The following PLEKHB1 variants were observed in gnomAD, a reference collection of about 807,000 sequenced individuals.
The protein encoded by PLEKHB1 is pleckstrin homology domain containing B1.
Under a neutral mutation model 36.2 loss-of-function variants are expected in PLEKHB1, and 29 were observed. The ratio of observed to expected loss-of-function variants is 0.80; its 90% CI spans 0.60 to 1.09. The LOEUF (loss-of-function observed/expected upper bound fraction) is 1.09, where lower values mean the gene tolerates loss of function less well. PLEKHB1 is among the 50% of genes least tolerant of loss of function. The probability of loss-of-function intolerance (pLI) is 0.00; values close to 1 mark genes in which losing one functional copy is unlikely to be tolerated. For synonymous variants in PLEKHB1, 138 were observed against 140.0 expected (o/e 0.99, Z 0.10); for missense variants, 330 against 348.2 (o/e 0.95, Z 0.42).
At chr11:73,655,663 A>G in intron 5 of PLEKHB1, 140 bp from the exon 6 acceptor site, 1 of 659,214 alleles carries the variant, frequency 1.5e-6, no homozygotes. Context: ...CTGAGGAGAA[A>G]GAGGATGCTC....
intron 6 of PLEKHB1, among the ~76,000 whole-genome samples, chr11:73,659,600 G>A (rs1456328848): frequency 6.6e-6 from 1 of 151,978 alleles, no homozygotes; most frequent in Non-Finnish European, 1.5e-5. Context: ...CCAGGAGAAA[G>A]GATAGCAACA....
In PLEKHB1 at chr11:73,661,445, AT is replaced by A; in HGVS notation, c.596-20del. On this transcript the variant is annotated intron_variant, in intron 7 of 7. Transcript: ENST00000354190. The surrounding 1 kb of genome is among the most constrained non-coding windows in gnomAD (Gnocchi z 4.6). Reference sequence around the variant, plus strand: ...ACTCCCTCCTAAGTCGCTGATCCTCATGGGCTGTCTCCCTCTGCAGGCCCTG... The same window carrying A: ...ACTCCCTCCTAAGTCGCTGATCCTCAGGGCTGTCTCCCTCTGCAGGCCCTG... 1 of 1,613,416 alleles carries A rather than the reference AT, an allele frequency of 6.2e-7. No individual in the cohort carries two copies. Among genetic ancestry groups the A allele is most frequent in the South Asian group, 1.1e-5 (1 of 91,054 alleles).
intron 4 of PLEKHB1, 65 bp downstream of exon 4, chr11:73,651,955 A>T: frequency 7.0e-7 from 1 of 1,426,418 alleles, no homozygotes; most frequent in Non-Finnish European, 9.7e-7. Context: ...CCCCCTTCTC[A>T]TTGGGCCTTC....
At chr11:73,649,468 C>T (rs1437641281) in intron 2 of PLEKHB1, among the ~76,000 whole-genome samples, 1 of 152,136 alleles carries the variant, frequency 6.6e-6, no homozygotes, top group African/African-American at 2.4e-5. Context: ...CAGACTGGCC[C>T]CAGTCTGCGA....
At chr11:73,649,443 C>A (rs925801873) in intron 2 of PLEKHB1, among the ~76,000 whole-genome samples, 2 of 152,094 alleles carry the variant, frequency 1.3e-5, no homozygotes, top group African/African-American at 2.4e-5. Context: ...TGTGGGTATC[C>A]CCACTCCCTG....
At chr11:73,656,080 T>G (rs1012697875) in intron 6 of PLEKHB1, among the ~76,000 whole-genome samples, 173 bp downstream of exon 6, 42 of 152,256 alleles carry the variant, frequency 2.8e-4, no homozygotes, top group African/African-American at 9.4e-4. Flanking sequence ...CCAGACCTTT[T>G]CCCTCTGCCA....
At position 73,650,650 on chromosome 11, in the gene PLEKHB1, C is replaced by G; in HGVS notation, c.192C>G (p.Asp64Glu). ...ATGAGACAGCGCAGGACGAGGAGGA[C>G]CGTGTGCTCATCCACTTCAATGTCC... ...YHDETAQDEE[D>E]RVLIHFNVRD... Residue 64 changes from aspartate to glutamate, a missense_variant, in exon 3 of 8, where the codon GAC (aspartate) becomes GAG (glutamate). Transcript: ENST00000354190. The G allele has an allele frequency of 6.2e-7, 1 of 1,611,860 alleles. No individual in the cohort carries two copies. The highest frequency in any genetic ancestry group is 8.5e-7 in the Non-Finnish European group (1 of 1,179,026).
chr11:73,647,875 G>C, intron 1 of PLEKHB1: 1 of 980,148 alleles, frequency 1.0e-6, no homozygotes, highest in Non-Finnish European at 1.2e-6. Context: ...AGGTGTGCCA[G>C]CCCTTGTTAC....
intron 4 of PLEKHB1, chr11:73,652,515 C>T (rs2134807886): frequency 1.8e-5 from 3 of 162,254 alleles, no homozygotes; most frequent in Non-Finnish European, 2.7e-5. Context: ...CAGCACAGAG[C>T]CGCCTTGTCC....
intron 6 of PLEKHB1, among the ~76,000 whole-genome samples, chr11:73,657,866 T>C (rs906009197): frequency 1.1e-4 from 16 of 152,222 alleles, no homozygotes; most frequent in African/African-American, 3.6e-4. Flanking sequence ...GTTCACTGAC[T>C]TACGACATTG....
chr11:73,660,037 G>A (rs917201280), intron 6 of PLEKHB1, among the ~76,000 whole-genome samples: 1 of 152,134 alleles, frequency 6.6e-6, no homozygotes, highest in South Asian at 2.1e-4. Context: ...TGATAATGTC[G>A]TAGGGCAATG....
chr11:73,647,645 C>T, intron 1 of PLEKHB1: 2 of 985,366 alleles, frequency 2.0e-6, no homozygotes, highest in South Asian at 4.7e-5. Context: ...CCAGGCTCTC[C>T]GGGGCACACA....
Position 73,660,789 on chromosome 11 carries a change from G to A in PLEKHB1, c.532G>A (p.Val178Met). Residue 178 changes from valine (V) to methionine (M), a missense_variant, in exon 7 of 8, where the codon GTG (valine) becomes ATG (methionine). Coordinates refer to ENST00000354190, the MANE Select transcript of PLEKHB1 (RefSeq NM_021200.3). ...CAGCCCGTACCAAGACTACTACGAG[G>A]TGGTGCCCCCCAATGCACACGAGGC... ...VYSPYQDYYE[V>M]VPPNAHEATY... 1 of 1,602,170 alleles carries A rather than the reference G, an allele frequency of 6.2e-7. No homozygotes were observed. The highest frequency in any genetic ancestry group is 8.5e-7 in the Non-Finnish European group (1 of 1,175,472).
rs753382464 is a variant in PLEKHB1, at chr11:73,651,819, T to C, written c.279T>C (p.Asp93=). The change falls in exon 4 of 8, where the codon GAT becomes GAC. Residue 93 remains aspartate, a synonymous_variant. Coordinates refer to ENST00000354190, the MANE Select transcript of PLEKHB1 (RefSeq NM_021200.3). ...AGCCCCCAGAGGGCCGGAGCCGAGA[T>C]GGCCTGCTGACTGTGAACCTACGGG... is the stretch of plus-strand genomic sequence containing the variant. ...DVQPPEGRSR[D]GLLTVNLREG... 1.1e-5 allele frequency: 17 copies of C among 1,613,600 alleles called. No homozygotes were observed. Among genetic ancestry groups the C allele is most frequent in the Admixed American group, 5.0e-5 (3 of 60,008 alleles).
At chr11:73,660,313 C>G in intron 6 of PLEKHB1, 1 of 178,766 alleles carries the variant, frequency 5.6e-6, no homozygotes, top group South Asian at 1.2e-4. Flanking sequence ...TTAGTTACTT[C>G]TCATCCCTAT....
intron 4 of PLEKHB1, chr11:73,652,724 C>G (rs1014233072): frequency 9.6e-6 from 4 of 417,164 alleles, no homozygotes; most frequent in African/African-American, 8.1e-5. Context: ...CCCAACCGTC[C>G]ACTGTATAGA....
chr11:73,654,029 G>GAAAAAA (rs34898891), intron 5 of PLEKHB1, among the ~76,000 whole-genome samples: 1 of 147,904 alleles, frequency 6.8e-6, no homozygotes, highest in Non-Finnish European at 1.5e-5. Flanking sequence ...TAGAAAAAAG[G>GAAAAAA]AAAAAAAAAA....
intron 6 of PLEKHB1, among the ~76,000 whole-genome samples, chr11:73,657,216 T>G (rs1945011355): frequency 6.6e-6 from 1 of 152,076 alleles, no homozygotes; most frequent in Non-Finnish European, 1.5e-5. Context: ...GCCACCAAAT[T>G]GTATAGATGT....
intron 5 of PLEKHB1, chr11:73,653,492 C>G (rs1205835901): frequency 8.7e-6 from 4 of 460,072 alleles, no homozygotes; most frequent in African/African-American, 2.0e-5. Context: ...CTCTGCCCAC[C>G]TGGACTCAGC....
Sources: gnomAD v4.1 joint callset for allele counts (sites outside exome capture counted in the v4.1 genomes callset) on GRCh38, gnomAD v4.1.1 for gene constraint, Gnocchi (gnomAD v3.1) non-coding constraint, MANE v1.5 for transcripts, NCBI Gene and HGNC (gene_info 2026-07-23, HGNC 2026-07-21) for gene names.